Variants in PRKN observed in about 807,000 individuals in gnomAD.
PRKN encodes the protein parkin RBR E3 ubiquitin protein ligase, also known as E3 ubiquitin-protein ligase parkin.
PRKN carries 56 observed loss-of-function variants against 59.5 expected under a neutral mutation model. The observed-to-expected ratio is 0.94, with a 90% CI of 0.76 to 1.18. The LOEUF is 1.18. PRKN is among the 50% of genes most tolerant of loss of function. PRKN has a pLI of 0.00. For synonymous variants in PRKN, 250 were observed against 222.1 expected (o/e 1.13, Z -1.12); for missense variants, 657 against 596.4 (o/e 1.10, Z -1.06).
intron 4 of PRKN, among the ~76,000 whole-genome samples, chr6:162,150,107 T>C (rs1782202636): frequency 6.6e-6 from 1 of 152,194 alleles, no homozygotes; most frequent in Non-Finnish European, 1.5e-5. Context: ...CGTAGTAATA[T>C]TCCCAATACC....
chr6:161,449,207 T>G (rs1477538059), intron 9 of PRKN, among the ~76,000 whole-genome samples: 4 of 152,218 alleles, frequency 2.6e-5, no homozygotes, highest in Non-Finnish European at 5.9e-5. Context: ...AAAATAGTAA[T>G]GCCCCGGTTT....
At chr6:162,228,370 G>C (rs755083319) in intron 3 of PRKN, among the ~76,000 whole-genome samples, 3 of 152,166 alleles carry the variant, frequency 2.0e-5, no homozygotes, top group Non-Finnish European at 2.9e-5. Flanking sequence ...CGATGTTACA[G>C]TTGGTCAACC....
At chr6:162,250,956 T>C (rs1458510875) in intron 3 of PRKN, among the ~76,000 whole-genome samples, 1 of 152,194 alleles carries the variant, frequency 6.6e-6, no homozygotes, top group Non-Finnish European at 1.5e-5. Context: ...TGTCTTAGAT[T>C]ACACTTGTTT....
intron 9 of PRKN, among the ~76,000 whole-genome samples, chr6:161,540,140 C>T (rs1158700062): frequency 6.6e-6 from 1 of 152,182 alleles, no homozygotes; most frequent in African/African-American, 2.4e-5. Flanking sequence ...ATTGTTCTCA[C>T]TGTTTGCAGA....
chr6:162,686,521 A>G (rs1426046873), intron 1 of PRKN, among the ~76,000 whole-genome samples: 2 of 152,216 alleles, frequency 1.3e-5, no homozygotes, highest in Non-Finnish European at 1.5e-5. Flanking sequence ...GATATTTGAT[A>G]TAAGAGTCTG....
chr6:162,081,176 A>G (rs1220592540), intron 4 of PRKN, among the ~76,000 whole-genome samples: 1 of 151,974 alleles, frequency 6.6e-6, no homozygotes, highest in Non-Finnish European at 1.5e-5. Flanking sequence ...TCCAACTCCT[A>G]TTAATCTTCA....
chr6:161,688,050 C>T (rs754012052), intron 7 of PRKN, among the ~76,000 whole-genome samples: 2 of 152,154 alleles, frequency 1.3e-5, no homozygotes, highest in Non-Finnish European at 2.9e-5. Context: ...CAACCTCCCC[C>T]GCAATTCTCA....
rs1173294818 is a variant in PRKN at position 161,359,777 on chromosome 6, A to G, written c.1285+311T>C. The stretch of plus-strand genomic sequence containing the variant: ...TCACCAGGGAGGACAGAAAAACCAC[A>G]GCTGCCTCCTGACTGCCACTTATCC... On this transcript the variant is annotated intron_variant, in intron 11 of 11. Coordinates refer to ENST00000366898, the MANE Select transcript of PRKN (RefSeq NM_004562.3). The surrounding 1 kb of genome is among the most constrained non-coding windows in gnomAD (Gnocchi z 5.4). Among the ~76,000 whole-genome samples, 2 of 152,172 alleles carry G rather than the reference A, an allele frequency of 1.3e-5. No individual in the cohort carries two copies. Among genetic ancestry groups the G allele is most frequent in the Non-Finnish European group, 2.9e-5 (2 of 68,024 alleles).
intron 7 of PRKN, among the ~76,000 whole-genome samples, chr6:161,751,562 G>A (rs759124174): frequency 6.6e-5 from 10 of 152,144 alleles, no homozygotes; most frequent in Non-Finnish European, 1.2e-4. Context: ...CAATCATAAA[G>A]TAAGTTAAAA....
At chr6:162,321,434 G>A (rs1783020097) in intron 2 of PRKN, among the ~76,000 whole-genome samples, 1 of 151,846 alleles carries the variant, frequency 6.6e-6, no homozygotes, top group East Asian at 1.9e-4. Context: ...CTTCACTAAT[G>A]AAGTCTATCA....
rs930067930 is a variant in PRKN at position 161,483,744 on chromosome 6, C to T, written c.1083+65110G>A. On this transcript the variant is annotated intron_variant, in intron 9 of 11. Transcript: ENST00000366898. This position sits in a 1 kb window ranked among gnomAD's most constrained non-coding sequence, Gnocchi z 5.0. ...GCATAGTGAGATCCTGGCAGGAGCA[C>T]TGTTCACAATAGCAAAGACTTGGAA... Among the ~76,000 whole-genome samples the T allele has an allele frequency of 6.6e-6, 1 of 152,156 alleles. No individual in the cohort carries two copies. The highest frequency in any genetic ancestry group is 1.5e-5 in the Non-Finnish European group (1 of 68,040).
intron 9 of PRKN, among the ~76,000 whole-genome samples, chr6:161,505,725 G>T (rs1438326889): frequency 1.2e-5 from 1 of 81,022 alleles, no homozygotes; most frequent in Non-Finnish European, 2.5e-5. Flanking sequence ...AAGGGATCCA[G>T]TTTCAGCTTT....
Position 161,484,956 on chromosome 6 carries a change from TTC to T in PRKN, c.1083+63896_1083+63897del. On this transcript the variant is annotated intron_variant, in intron 9 of 11. Coordinates refer to ENST00000366898, the MANE Select transcript of PRKN (RefSeq NM_004562.3). This position sits in a 1 kb window ranked among gnomAD's most constrained non-coding sequence, Gnocchi z 4.9. Reference sequence around the variant, plus strand: ...TTTGCTGCCGCCGGCTTCCCCCTGCTTCTTTGAGGCAAAAATCAGGTCGGACT... The same window carrying T: ...TTTGCTGCCGCCGGCTTCCCCCTGCTTTTGAGGCAAAAATCAGGTCGGACT... 6.6e-6 allele frequency among the ~76,000 whole-genome samples: 1 copy of T among 152,268 alleles called. No individual in the cohort carries two copies. The highest frequency in any genetic ancestry group is 1.9e-4 in the East Asian group (1 of 5,168).
chr6:162,431,179 T>TA (rs61146591), intron 2 of PRKN, among the ~76,000 whole-genome samples: 41,529 of 133,974 alleles, frequency 0.31, 5,985 homozygotes, highest in African/African-American at 0.45. Flanking sequence ...ATTTAGTTGC[T>TA]AAAAAAAAAA....
intron 7 of PRKN, among the ~76,000 whole-genome samples, chr6:161,649,853 C>T (rs539079895): frequency 1.3e-5 from 2 of 152,332 alleles, no homozygotes; most frequent in South Asian, 4.1e-4. Context: ...TCTCAACCAA[C>T]AGGGTACAGT....
chr6:161,635,127 T>C lies in PRKN; in HGVS notation c.872-65711A>G, dbSNP rs143233641. Among the ~76,000 whole-genome samples the C allele has an allele frequency of 2.6e-3, 393 of 152,292 alleles. 1 individual carries two copies. Among genetic ancestry groups the C allele is most frequent in the Middle Eastern group, 0.01 (3 of 294 alleles). On this transcript the variant is annotated intron_variant, in intron 7 of 11. Transcript: ENST00000366898. ...TTGGAGATACCATGGCCAGTGATAG[T>C]TGATAATTTACCAAACCCCAAATTC...
At position 161,994,596 on chromosome 6, in the gene PRKN, G is replaced by T. The variant is rs530517216; in HGVS notation, c.619-21179C>A. On this transcript the variant is annotated intron_variant, in intron 5 of 11. Transcript: ENST00000366898. The stretch of plus-strand genomic sequence containing the variant: ...CCTAGACTCCACCAAAAAACTCTTA[G>T]AACTAATAAATACAGTAAAGTTGGA... 7.3e-5 allele frequency among the ~76,000 whole-genome samples: 11 copies of T among 151,652 alleles called. No individual in the cohort carries two copies. In the South Asian group the frequency reaches 2.3e-3, roughly 32 times the overall value.
intron 5 of PRKN, among the ~76,000 whole-genome samples, chr6:162,034,182 TATATAG>T (rs1186922691): frequency 5.3e-4 from 64 of 121,556 alleles, no homozygotes; most frequent in African/African-American, 2.0e-3. Flanking sequence ...TATATATATA[TATATAG>T]AGAGAGAGAG....
intron 7 of PRKN, among the ~76,000 whole-genome samples, chr6:161,722,224 A>G (rs1004656203): frequency 4.0e-5 from 6 of 149,484 alleles, no homozygotes; most frequent in Non-Finnish European, 9.0e-5. Flanking sequence ...GCAGGAAAGC[A>G]CAAATCCCCA....
Sources: gnomAD v4.1 joint callset for allele counts (sites outside exome capture counted in the v4.1 genomes callset) on GRCh38, gnomAD v4.1.1 for gene constraint, Gnocchi (gnomAD v3.1) non-coding constraint, MANE v1.5 for transcripts, NCBI Gene and HGNC (gene_info 2026-07-23, HGNC 2026-07-21) for gene names.